Variants in CLEC17A observed in about 807,000 individuals in gnomAD.
CLEC17A encodes C-type lectin domain containing 17A, also known as C-type lectin domain family 17, member A.
Under a neutral mutation model 61.3 loss-of-function variants are expected in CLEC17A, and 37 were observed. The observed-to-expected ratio is 0.60, with a 90% CI of 0.46 to 0.79. The LOEUF is 0.79. CLEC17A is among the 30% of genes least tolerant of loss of function. The pLI is 0.00. For synonymous variants in CLEC17A, 168 were observed against 164.9 expected (o/e 1.02, Z -0.14); for missense variants, 418 against 464.7 (o/e 0.90, Z 0.92).
Position 14,609,053 on chromosome 19 carries a change from G to C in CLEC17A, c.1005-1011G>C, listed in dbSNP as rs1044195112. The stretch of plus-strand genomic sequence containing the variant: ...GACCTCAGGTGATCTACCCGTCTTG[G>C]CCTCCCAAAGTGCTGGGATTACAGG... On this transcript the variant is annotated intron_variant, in intron 13 of 13. Coordinates refer to ENST00000417570, the MANE Select transcript of CLEC17A (RefSeq NM_001204118.2). Among the ~76,000 whole-genome samples, 2 of 152,094 alleles carry C rather than the reference G, an allele frequency of 1.3e-5. 1 individual carries two copies. The highest frequency in any genetic ancestry group is 1.3e-4 in the Admixed American group (2 of 15,250).
intron 10 of CLEC17A, 165 bp from the exon 11 acceptor site, chr19:14,599,552 T>G: frequency 1.4e-6 from 1 of 696,430 alleles, no homozygotes; most frequent in East Asian, 2.7e-5. Context: ...ATTCTCGGAT[T>G]CTGAGCACTG....
upstream of CLEC17A, among the ~76,000 whole-genome samples, chr19:14,581,117 G>T (rs1433632306): frequency 6.6e-6 from 1 of 152,112 alleles, no homozygotes; most frequent in Non-Finnish European, 1.5e-5. Context: ...CTCAGTTATG[G>T]AAACCCAACC....
At chr19:14,590,900 G>A (rs888004592) in intron 3 of CLEC17A, among the ~76,000 whole-genome samples, 4 of 148,328 alleles carry the variant, frequency 2.7e-5, no homozygotes, top group Non-Finnish European at 4.5e-5. Flanking sequence ...GTCTTGCTAT[G>A]TTGCCCAGGC....
At chr19:14,609,118 G>C (rs756136251) in intron 13 of CLEC17A, among the ~76,000 whole-genome samples, 1 of 152,058 alleles carries the variant, frequency 6.6e-6, no homozygotes, top group African/African-American at 2.4e-5. Flanking sequence ...GCTGCTAAAG[G>C]CTCACAGGAA....
At chr19:14,607,556 TATTTATTTATTTATTTA>T (rs1407156694) in intron 13 of CLEC17A, among the ~76,000 whole-genome samples, 35 of 141,076 alleles carry the variant, frequency 2.5e-4, no homozygotes, top group Admixed American at 1.4e-3. Flanking sequence ...TTTTATTATT[TATTTATTTATTTATTTA>T]TTTATTTATT....
chr19:14,587,172 C>T (rs553106233), intron 2 of CLEC17A, among the ~76,000 whole-genome samples: 32 of 152,008 alleles, frequency 2.1e-4, no homozygotes, highest in African/African-American at 4.8e-4. Flanking sequence ...GGATTACAGA[C>T]GTGAGCCACC....
intron 13 of CLEC17A, among the ~76,000 whole-genome samples, chr19:14,609,506 G>A (rs2074992743): frequency 6.6e-6 from 1 of 152,158 alleles, no homozygotes; most frequent in South Asian, 2.1e-4. Flanking sequence ...AAAAGAAAGA[G>A]TCCTTGGAAG....
At position 14,594,690 on chromosome 19, in the gene CLEC17A, C is replaced by G; in HGVS notation, c.361+8C>G. 2 of 1,613,966 alleles carry G rather than the reference C, an allele frequency of 1.2e-6. No individual in the cohort carries two copies. The highest frequency in any genetic ancestry group is 1.7e-6 in the Non-Finnish European group (2 of 1,179,872). On this transcript the variant is annotated splice_region_variant and intron_variant, in intron 6 of 13. Coordinates refer to ENST00000417570, the MANE Select transcript of CLEC17A (RefSeq NM_001204118.2). Reference sequence around the variant, plus strand: ...AGCCCCGGAACATGACAGGTGAGAGCTGACAGTTGGAGTCTTCCTGCTCAC... The same window carrying G: ...AGCCCCGGAACATGACAGGTGAGAGGTGACAGTTGGAGTCTTCCTGCTCAC...
Position 14,595,256 on chromosome 19 carries a change from T to C in CLEC17A, c.404-18T>C. On this transcript the variant is annotated intron_variant, in intron 7 of 13. Transcript: ENST00000417570. ...CTTTGGCATCTTCTGAATAAACCTCTCTCCCCCTTTCTCCCAGCTGTGAAT... is the reference window on the plus strand; with the variant it reads ...CTTTGGCATCTTCTGAATAAACCTCCCTCCCCCTTTCTCCCAGCTGTGAAT... The C allele has an allele frequency of 6.2e-7, 1 of 1,613,846 alleles. No homozygotes were observed. Among genetic ancestry groups the C allele is most frequent in the Non-Finnish European group, 8.5e-7 (1 of 1,179,768 alleles).
At chr19:14,590,533 A>C (rs1027607146) in intron 3 of CLEC17A, among the ~76,000 whole-genome samples, 1 of 151,962 alleles carries the variant, frequency 6.6e-6, no homozygotes, top group African/African-American at 2.4e-5. Context: ...GATTACAGGC[A>C]TGTGCCACCG....
upstream of CLEC17A, among the ~76,000 whole-genome samples, chr19:14,582,195 A>T (rs1318181601): frequency 1.3e-5 from 2 of 150,342 alleles, no homozygotes; most frequent in Non-Finnish European, 3.0e-5. Flanking sequence ...TTTCCCTTCT[A>T]CGAGGACCCT....
chr19:14,607,869 C>T (rs960205258), intron 13 of CLEC17A, among the ~76,000 whole-genome samples: 1 of 151,600 alleles, frequency 6.6e-6, no homozygotes. Flanking sequence ...AGCCACTGCG[C>T]CCAACCTTAT....
chr19:14,583,078 G>GC, upstream of CLEC17A: 1 of 1,470,664 alleles, frequency 6.8e-7, no homozygotes. Context: ...AACTGAGAGA[G>GC]CCCCCAGACG....
At position 14,600,124 on chromosome 19, in the gene CLEC17A, G is replaced by A. The variant is rs769195760; in HGVS notation, c.836G>A (p.Arg279Gln). The change falls in exon 12 of 14, where the codon CGG becomes CAG. Residue 279 changes from arginine (R) to glutamine (Q), a missense_variant. By Grantham distance (43) the Arg-to-Gln change is conservative. Coordinates refer to ENST00000417570, the MANE Select transcript of CLEC17A (RefSeq NM_001204118.2). Reference sequence around the variant, plus strand: ...AGCACCAAGTCATGGGATGAGGCCCGGATGTTCTGCCAGGAGAATTACTCT... The same window carrying A: ...AGCACCAAGTCATGGGATGAGGCCCAGATGTTCTGCCAGGAGAATTACTCT... The part of the protein sequence containing the change: ...SPSTKSWDEA[R>Q]MFCQENYSHL... 19 of 1,614,006 alleles carry A rather than the reference G, an allele frequency of 1.2e-5. No individual in the cohort carries two copies. Among genetic ancestry groups the A allele is most frequent in the Admixed American group, 1.7e-5 (1 of 60,018 alleles).
intron 12 of CLEC17A, among the ~76,000 whole-genome samples, chr19:14,601,461 G>C (rs144833600): frequency 6.6e-6 from 1 of 152,152 alleles, no homozygotes; most frequent in Non-Finnish European, 1.5e-5. Context: ...TACACAATAT[G>C]TATCATCTGT....
At chr19:14,605,564 C>T (rs1216054071) in intron 12 of CLEC17A, among the ~76,000 whole-genome samples, 2 of 152,124 alleles carry the variant, frequency 1.3e-5, no homozygotes, top group Non-Finnish European at 2.9e-5. Context: ...TTTCCACCAC[C>T]CTAGAAAGTT....
intron 12 of CLEC17A, among the ~76,000 whole-genome samples, chr19:14,606,232 C>T (rs111293483): frequency 2.2e-3 from 328 of 152,154 alleles, no homozygotes; most frequent in Middle Eastern, 0.014. Flanking sequence ...CCTACTAAGA[C>T]GTCCACAGTA....
chr19:14,602,969 A>G (rs1224546005), intron 12 of CLEC17A, among the ~76,000 whole-genome samples: 1 of 152,096 alleles, frequency 6.6e-6, no homozygotes, highest in African/African-American at 2.4e-5. Flanking sequence ...TCCTGACCTC[A>G]GGTGATCCAC....
In CLEC17A at chr19:14,597,086, C is replaced by G; in HGVS notation, c.584-13C>G. ...CAGGAGGACCTGGGCTCAATTTGGA[C>G]TCTTCTTCATAGACCAGGAGTTGAT... On this transcript the variant is annotated splice_polypyrimidine_tract_variant and intron_variant, in intron 9 of 13. Coordinates refer to ENST00000417570, the MANE Select transcript of CLEC17A (RefSeq NM_001204118.2). 1 of 1,612,936 alleles carries G rather than the reference C, an allele frequency of 6.2e-7. No homozygotes were observed. The highest frequency in any genetic ancestry group is 8.5e-7 in the Non-Finnish European group (1 of 1,179,480).
Sources: allele counts gnomAD v4.1 joint callset (sites outside exome capture counted in the v4.1 genomes callset), GRCh38; gene constraint gnomAD v4.1.1; transcripts MANE v1.5; gene names NCBI Gene and HGNC (gene_info 2026-07-23, HGNC 2026-07-21).